DNAI1: variants seen among roughly 807,000 people sequenced by gnomAD.
The protein encoded by DNAI1 is dynein axonemal intermediate chain 1.
A neutral mutation model predicts 92.0 loss-of-function variants in DNAI1; 67 were observed. That is an observed-to-expected ratio of 0.73 (90% CI 0.60 to 0.89). The LOEUF (loss-of-function observed/expected upper bound fraction) is 0.89, where lower values mean the gene tolerates loss of function less well. Among genes scored for constraint, DNAI1 ranks in the 40% least tolerant of loss-of-function variants. The pLI is 0.00. For missense variants in DNAI1, 839 were observed against 866.6 expected, an observed-to-expected ratio of 0.97 and a Z score of 0.40; for synonymous variants, 323 against 319.6, an observed-to-expected ratio of 1.01 and a Z score of -0.11.
Position 34,493,247 on chromosome 9 carries a change from A to G in DNAI1, c.735A>G (p.Lys245=). 6.2e-7 allele frequency: 1 copy of G among 1,614,208 alleles called. No individual in the cohort carries two copies. The change falls in exon 9 of 20, where the codon AAA becomes AAG. Residue 245 remains lysine, a synonymous_variant. Coordinates refer to ENST00000242317, the MANE Select transcript of DNAI1 (RefSeq NM_012144.4). ...AACTTGAGAAGCAGGAAAAGACCAA[A>G]GAGAAGGAGAAGGCAAAGACCCCAG... ...VEELEKQEKT[K]EKEKAKTPVA...
At chr9:34,466,356 C>T (rs1262401880) in intron 1 of DNAI1, among the ~76,000 whole-genome samples, 3 of 152,190 alleles carry the variant, frequency 2.0e-5, no homozygotes, top group African/African-American at 7.2e-5. Context: ...CTCAATGTGT[C>T]ATGTATTCAG....
At chr9:34,511,083 C>G (rs537482816) in intron 13 of DNAI1, among the ~76,000 whole-genome samples, 1 of 152,234 alleles carries the variant, frequency 6.6e-6, no homozygotes, top group South Asian at 2.1e-4. Context: ...CTTGGCCTCC[C>G]TCACTGGTCC....
intron 6 of DNAI1, 80 bp downstream of exon 6, chr9:34,490,204 G>C (rs1278425697): frequency 6.2e-7 from 1 of 1,612,246 alleles, no homozygotes; most frequent in African/African-American, 1.3e-5. Flanking sequence ...CTTGGGAAAG[G>C]AGGAGGGAGA....
intron 1 of DNAI1, among the ~76,000 whole-genome samples, chr9:34,481,499 CTT>C (rs1476722545): frequency 6.6e-6 from 1 of 152,176 alleles, no homozygotes; most frequent in African/African-American, 2.4e-5. Flanking sequence ...GCTCAACCTC[CTT>C]TTGTGTCTGG....
intron 4 of DNAI1, among the ~76,000 whole-genome samples, chr9:34,486,797 C>A (rs1195542414): frequency 1.3e-5 from 2 of 152,210 alleles, no homozygotes. Context: ...TCCCTTCCAG[C>A]CCTCAGCAAC....
chr9:34,512,185 G>A lies in DNAI1; in HGVS notation c.1388G>A (p.Trp463Ter). ...SVSSDGRIVS[W>*]TLVKRKLVHI... Reference sequence around the variant, plus strand: ...TCATCTGACGGCAGGATTGTGTCTTGGACTCTCGTGAAGGTGCCTATTTCC... The same window carrying A: ...TCATCTGACGGCAGGATTGTGTCTTAGACTCTCGTGAAGGTGCCTATTTCC... The change falls in exon 14 of 20, where the codon TGG becomes TAG. Residue 463 changes from tryptophan to a stop codon, truncating the protein, a stop_gained. Transcript: ENST00000242317. LOFTEE classifies it high-confidence loss of function. The A allele has an allele frequency of 6.2e-7, 1 of 1,614,122 alleles. No individual in the cohort carries two copies. The highest frequency in any genetic ancestry group is 8.5e-7 in the Non-Finnish European group (1 of 1,180,014).
intron 2 of DNAI1, 122 bp downstream of exon 2, chr9:34,483,602 C>T (rs890459629): frequency 5.2e-5 from 47 of 897,198 alleles, no homozygotes; most frequent in Non-Finnish European, 7.1e-5. Flanking sequence ...TAAAATCACC[C>T]TTAAACCTAC....
In DNAI1 at chr9:34,485,090, C is replaced by T. The variant is rs2132057261; in HGVS notation, c.82-52C>T. ...TGTGAATGAAGGGGCTTTCTGTATG[C>T]TTGTCCAAGCAGAAAAGACACTCCC... On this transcript the variant is annotated intron_variant, in intron 2 of 19. Transcript: ENST00000242317. 6 of 1,588,488 alleles carry T rather than the reference C, an allele frequency of 3.8e-6. No individual in the cohort carries two copies. In the East Asian group the frequency reaches 8.9e-5, roughly 24 times the overall value.
chr9:34,485,568 G>T, intron 4 of DNAI1, 51 bp downstream of exon 4: 1 of 1,555,568 alleles, frequency 6.4e-7, no homozygotes, highest in South Asian at 1.1e-5. Context: ...TCCTTGGAGT[G>T]ACAGTGACTT....
intron 13 of DNAI1, among the ~76,000 whole-genome samples, chr9:34,510,365 G>A (rs912802221): frequency 2.6e-5 from 4 of 152,172 alleles, no homozygotes; most frequent in Non-Finnish European, 4.4e-5. Context: ...GTGTGTGTGC[G>A]TGCTGGTGCA....
intron 18 of DNAI1, among the ~76,000 whole-genome samples, chr9:34,516,896 C>G (rs547250797): frequency 9.9e-5 from 15 of 151,924 alleles, no homozygotes; most frequent in African/African-American, 3.6e-4. Context: ...TGCACCACCA[C>G]GCCCATCTAA....
intron 1 of DNAI1, among the ~76,000 whole-genome samples, chr9:34,461,538 A>G (rs887619708): frequency 2.0e-5 from 3 of 152,296 alleles, no homozygotes; most frequent in Admixed American, 6.5e-5. Context: ...AGCAACTTGC[A>G]GTTTGAACAA....
intron 16 of DNAI1, among the ~76,000 whole-genome samples, chr9:34,513,580 C>T (rs1217675783): frequency 4.6e-5 from 7 of 152,188 alleles, no homozygotes; most frequent in Non-Finnish European, 1.0e-4. Context: ...TCCCAGCCAG[C>T]AGGATGGAAC....
chr9:34,477,154 T>C (rs1446922162), intron 1 of DNAI1, among the ~76,000 whole-genome samples: 1 of 152,132 alleles, frequency 6.6e-6, no homozygotes, highest in Non-Finnish European at 1.5e-5. Context: ...TAGCTGGGAC[T>C]ACAGGCACAC....
Position 34,520,795 on chromosome 9 carries a change from G to A in DNAI1, c.*39G>A, listed in dbSNP as rs751953662. On this transcript the variant is annotated 3_prime_UTR_variant, in exon 20 of 20. Coordinates refer to ENST00000242317, the MANE Select transcript of DNAI1 (RefSeq NM_012144.4). ...GTCTCTGTCCCATCGCTTGAATACA[G>A]TACTCCTAGGGCTTGACCCTGGTAC... The A allele has an allele frequency of 4.5e-6, 7 of 1,542,988 alleles. No individual in the cohort carries two copies. Among genetic ancestry groups the A allele is most frequent in the Non-Finnish European group, 5.3e-6 (6 of 1,139,290 alleles).
Position 34,517,345 on chromosome 9 carries a change from G to A in DNAI1, c.1879G>A (p.Ala627Thr), listed in dbSNP as rs774157246. 20 of 1,613,928 alleles carry A rather than the reference G, an allele frequency of 1.2e-5. No individual in the cohort carries two copies. In the South Asian group the frequency reaches 2.2e-4, roughly 18 times the overall value. ...YEAICNQPVA[A>T]KKNRLTHVQF... ...GGCCATCTGCAACCAGCCTGTGGCGGCCAAAAAGAACAGGCTCACCCACGT... is the reference window on the plus strand; with the variant it reads ...GGCCATCTGCAACCAGCCTGTGGCGACCAAAAAGAACAGGCTCACCCACGT... Residue 627 changes from alanine to threonine, a missense_variant, in exon 19 of 20, where the codon GCC becomes ACC. By Grantham distance (58) the Ala-to-Thr change is moderately conservative (BLOSUM62 0). Transcript: ENST00000242317.
At chr9:34,474,914 G>A (rs1438322158) in intron 1 of DNAI1, among the ~76,000 whole-genome samples, 1 of 152,168 alleles carries the variant, frequency 6.6e-6, no homozygotes, top group African/African-American at 2.4e-5. Context: ...GAGCCATTGA[G>A]TTGAGGGGTA....
chr9:34,500,909 C>A (rs1824819526), intron 11 of DNAI1, 70 bp downstream of exon 11: 2 of 1,236,240 alleles, frequency 1.6e-6, no homozygotes, highest in East Asian at 2.3e-5. Context: ...CCAGTACCCC[C>A]TTCTGCACTT....
At chr9:34,490,620 T>TC (rs956286341) in intron 7 of DNAI1, 132 bp downstream of exon 7, 3 of 1,313,600 alleles carry the variant, frequency 2.3e-6, no homozygotes, top group Non-Finnish European at 2.2e-6. Context: ...ACAGCTTATC[T>TC]CCCCAAGGAG....
Sources: gnomAD v4.1 joint callset for allele counts (sites outside exome capture counted in the v4.1 genomes callset) on GRCh38, gnomAD v4.1.1 for gene constraint, MANE v1.5 for transcripts, NCBI Gene and HGNC (gene_info 2026-07-23, HGNC 2026-07-21) for gene names.